Variants in CWC27 observed in about 807,000 individuals in gnomAD.
CWC27 encodes spliceosome-associated protein CWC27 homolog.
CWC27 carries 47 observed loss-of-function variants against 63.6 expected under a neutral mutation model. The ratio of observed to expected loss-of-function variants is 0.74; its 90% CI spans 0.58 to 0.94. The LOEUF is 0.94. Among genes scored for constraint, CWC27 ranks in the 40% least tolerant of loss-of-function variants. The pLI is 0.00. For synonymous variants in CWC27, 175 were observed against 179.8 expected, an observed-to-expected ratio of 0.97 and a Z score of 0.22; for missense variants, 495 against 554.3, an observed-to-expected ratio of 0.89 and a Z score of 1.07.
chr5:64,952,480 T>C (rs947450212), intron 11 of CWC27, among the ~76,000 whole-genome samples: 1 of 151,980 alleles, frequency 6.6e-6, no homozygotes. Context: ...ATGAAGGTGT[T>C]CTAGATAGTA....
chr5:64,978,394 CTAGA>C (rs1749269828), intron 13 of CWC27, among the ~76,000 whole-genome samples: 1 of 151,952 alleles, frequency 6.6e-6, no homozygotes, highest in Admixed American at 6.6e-5. Context: ...TTGTAAGATC[CTAGA>C]TATCTTTTAA....
At chr5:64,897,512 A>C (rs1747407114) in intron 11 of CWC27, among the ~76,000 whole-genome samples, 1 of 152,160 alleles carries the variant, frequency 6.6e-6, no homozygotes, top group Admixed American at 6.6e-5. Context: ...GCATGTTCTC[A>C]CTCATAGGTG....
chr5:64,934,049 A>G (rs72758803), intron 11 of CWC27, among the ~76,000 whole-genome samples: 274 of 152,308 alleles, frequency 1.8e-3, no homozygotes, highest in Non-Finnish European at 3.1e-3. Flanking sequence ...TTTTGAGATT[A>G]TGTAAATATA....
intron 13 of CWC27, among the ~76,000 whole-genome samples, chr5:65,015,913 C>T (rs893011876): frequency 1.7e-4 from 26 of 152,128 alleles, no homozygotes; most frequent in African/African-American, 2.4e-5. Context: ...TTCACTGGAG[C>T]CAGTCTGCAG....
At chr5:64,984,790 T>G (rs1749394308) in intron 13 of CWC27, among the ~76,000 whole-genome samples, 1 of 152,206 alleles carries the variant, frequency 6.6e-6, no homozygotes, top group Admixed American at 6.5e-5. Flanking sequence ...TATTTAATAT[T>G]GATTAAGTCC....
intron 11 of CWC27, among the ~76,000 whole-genome samples, chr5:64,951,632 T>C (rs1748710918): frequency 6.6e-6 from 1 of 151,930 alleles, no homozygotes; most frequent in Non-Finnish European, 1.5e-5. Flanking sequence ...CCTTTAGCTA[T>C]CACCTGTTAC....
chr5:64,884,326 G>A (rs1580701438), intron 10 of CWC27: 1 of 152,052 alleles, frequency 6.6e-6, no homozygotes, highest in East Asian at 1.9e-4. Context: ...CAGAATTCAG[G>A]ATCTTGGAGG....
At chr5:64,868,317 A>C (rs1043172023) in intron 10 of CWC27, among the ~76,000 whole-genome samples, 6 of 130,388 alleles carry the variant, frequency 4.6e-5, no homozygotes, top group African/African-American at 1.9e-4. Flanking sequence ...ATTTACCTGA[A>C]AGCAAAACTT....
intron 10 of CWC27, among the ~76,000 whole-genome samples, chr5:64,849,649 C>T (rs1746081748): frequency 6.6e-6 from 1 of 152,010 alleles, no homozygotes; most frequent in African/African-American, 2.4e-5. Flanking sequence ...CTGCATGTCC[C>T]CACCCAAATC....
chr5:65,003,674 A>C (rs1749773611), intron 13 of CWC27, among the ~76,000 whole-genome samples: 2 of 152,106 alleles, frequency 1.3e-5, no homozygotes, highest in Non-Finnish European at 2.9e-5. Flanking sequence ...TGGGTACACT[A>C]TTCTTGACTA....
intron 11 of CWC27, among the ~76,000 whole-genome samples, chr5:64,908,890 G>T (rs754673104): frequency 1.6e-4 from 24 of 152,268 alleles, no homozygotes; most frequent in Admixed American, 7.8e-4. Context: ...TACATTTAAG[G>T]TTAATATTGT....
intron 11 of CWC27, among the ~76,000 whole-genome samples, chr5:64,917,809 G>A (rs1747919773): frequency 6.6e-6 from 1 of 152,050 alleles, no homozygotes; most frequent in African/African-American, 2.4e-5. Context: ...CAGCTCTCCT[G>A]GGTCTCAGGC....
At chr5:64,793,315 T>A (rs1228315536) in intron 7 of CWC27, among the ~76,000 whole-genome samples, 7 of 152,164 alleles carry the variant, frequency 4.6e-5, no homozygotes, top group Non-Finnish European at 8.8e-5. Flanking sequence ...ATCTACAGAA[T>A]TTAACTTTTT....
intron 10 of CWC27, among the ~76,000 whole-genome samples, chr5:64,871,551 A>T (rs1019596569): frequency 1.3e-5 from 2 of 152,162 alleles, no homozygotes; most frequent in Non-Finnish European, 2.9e-5. Flanking sequence ...GAGGCAAGAG[A>T]TAAAGATGGA....
At position 64,780,503 on chromosome 5, in the gene CWC27, G is replaced by A. The variant is rs549330481; in HGVS notation, c.140-1418G>A. 2.5e-3 allele frequency among the ~76,000 whole-genome samples: 369 copies of A among 148,254 alleles called. 1 individual carries two copies. Among genetic ancestry groups the A allele is most frequent in the African/African-American group, 8.6e-3 (350 of 40,730 alleles). ...TATAAATATATGATGTTTTGTAAAA[G>A]CAAATCTGATCATGTGCACAGTGAT... On this transcript the variant is annotated intron_variant, in intron 2 of 13. Coordinates refer to ENST00000381070, the MANE Select transcript of CWC27 (RefSeq NM_005869.4).
chr5:64,840,391 AAAAATATATAT>A (rs1745792509), intron 10 of CWC27, among the ~76,000 whole-genome samples: 1 of 42,304 alleles, frequency 2.4e-5, no homozygotes, highest in African/African-American at 1.1e-4. Flanking sequence ...AAAAAAAAAA[AAAAATATATAT>A]ATATATATAT....
At chr5:64,784,345 A>G (rs1272010805) in intron 4 of CWC27, among the ~76,000 whole-genome samples, 2 of 152,082 alleles carry the variant, frequency 1.3e-5, no homozygotes, top group Admixed American at 1.3e-4. Flanking sequence ...TTAATGATGG[A>G]TTTTCTTAAG....
intron 11 of CWC27, among the ~76,000 whole-genome samples, chr5:64,960,935 A>T (rs915428607): frequency 4.0e-4 from 57 of 140,802 alleles, no homozygotes; most frequent in African/African-American, 1.2e-3. Context: ...TTTTTTTTTT[A>T]AATGAATGAA....
chr5:64,979,699 A>G (rs1056723390), intron 13 of CWC27, among the ~76,000 whole-genome samples: 1 of 152,196 alleles, frequency 6.6e-6, no homozygotes, highest in African/African-American at 2.4e-5. Flanking sequence ...CTAAGAAGTG[A>G]AAGTCAGCCA....
Sources: allele counts gnomAD v4.1 joint callset (sites outside exome capture counted in the v4.1 genomes callset), GRCh38; gene constraint gnomAD v4.1.1; transcripts MANE v1.5; gene names NCBI Gene and HGNC (gene_info 2026-07-23, HGNC 2026-07-21).